The following AUTS2 variants were observed in gnomAD, a reference collection of about 807,000 sequenced individuals.
AUTS2 encodes the protein activator of transcription and developmental regulator AUTS2.
A neutral mutation model predicts 112.4 loss-of-function variants in AUTS2; 17 were observed. The ratio of observed to expected loss-of-function variants is 0.15; its 90% CI spans 0.10 to 0.23. The LOEUF (loss-of-function observed/expected upper bound fraction) is 0.23. Among genes scored for constraint, AUTS2 ranks in the 10% least tolerant of loss-of-function variants. The pLI is 1.00. For synonymous variants in AUTS2, 751 were observed against 702.7 expected (o/e 1.07, Z -1.09); for missense variants, 1,510 against 1,701.6 (o/e 0.89, Z 1.98).
In AUTS2 at chr7:70,698,381, A is replaced by G. The variant is rs368253890; in HGVS notation, c.691-188A>G. ...AATCAGATTTTTTTCCCCCCAGCAA[A>G]TAGCTGCACTGCAGGTCTCTCTCAA... On this transcript the variant is annotated intron_variant, in intron 5 of 18. Transcript: ENST00000342771. Among the ~76,000 whole-genome samples the G allele has an allele frequency of 2.1e-4, 32 of 152,258 alleles. No individual in the cohort carries two copies. The South Asian group carries it at 4.8e-3, about 23-fold the overall frequency.
chr7:70,176,818 G>A (rs1220027873), intron 4 of AUTS2, among the ~76,000 whole-genome samples: 1 of 152,102 alleles, frequency 6.6e-6, no homozygotes, highest in African/African-American at 2.4e-5. Context: ...CCATCATACT[G>A]GAGTGCTTTT....
At chr7:69,617,737 T>G (rs1425829721) in intron 1 of AUTS2, among the ~76,000 whole-genome samples, 5 of 152,222 alleles carry the variant, frequency 3.3e-5, no homozygotes, top group Non-Finnish European at 7.3e-5. Flanking sequence ...TCATTGTACC[T>G]TGTGCCACCA....
intron 1 of AUTS2, among the ~76,000 whole-genome samples, chr7:69,862,871 T>C (rs1323084383): frequency 6.6e-6 from 1 of 152,164 alleles, no homozygotes; most frequent in Admixed American, 6.5e-5. Flanking sequence ...AGCTGGAGGC[T>C]GATATTAAAT....
intron 2 of AUTS2, among the ~76,000 whole-genome samples, chr7:69,949,460 C>T (rs1200966411): frequency 6.6e-6 from 1 of 152,180 alleles, no homozygotes; most frequent in Non-Finnish European, 1.5e-5. Flanking sequence ...AAAGCTAACA[C>T]CACTTGCCTG....
chr7:70,702,454 T>C (rs190751618), intron 6 of AUTS2, among the ~76,000 whole-genome samples: 7 of 152,316 alleles, frequency 4.6e-5, no homozygotes, highest in South Asian at 4.1e-4. Context: ...CACAGTGGTG[T>C]ATTTTACCCC....
At chr7:70,273,200 C>T (rs1451392803) in intron 4 of AUTS2, among the ~76,000 whole-genome samples, 2 of 152,102 alleles carry the variant, frequency 1.3e-5, no homozygotes, top group East Asian at 3.9e-4. Context: ...CCTGCCACAA[C>T]ACCTGGCTAA....
chr7:70,013,780 C>T (rs751223858), intron 2 of AUTS2, among the ~76,000 whole-genome samples: 4 of 152,094 alleles, frequency 2.6e-5, no homozygotes, highest in Admixed American at 2.6e-4. Flanking sequence ...TGCAGTGGCG[C>T]GAACTCGGCT....
chr7:69,712,787 G>A (rs1798389138), intron 1 of AUTS2, among the ~76,000 whole-genome samples: 1 of 152,120 alleles, frequency 6.6e-6, no homozygotes, highest in Non-Finnish European at 1.5e-5. Context: ...AACTTTACAT[G>A]AAACTGCCAC....
At chr7:70,544,169 T>G (rs1008313291) in intron 5 of AUTS2, among the ~76,000 whole-genome samples, 2 of 152,218 alleles carry the variant, frequency 1.3e-5, no homozygotes, top group Admixed American at 1.3e-4. Context: ...ATTACCTGAT[T>G]AACACAGGAA....
At chr7:70,512,988 T>A (rs553417809) in intron 5 of AUTS2, among the ~76,000 whole-genome samples, 2 of 152,202 alleles carry the variant, frequency 1.3e-5, no homozygotes, top group Non-Finnish European at 2.9e-5. Flanking sequence ...ATTTAGCTTT[T>A]GCTGGTGCCA....
At chr7:69,782,874 T>C (rs957879149) in intron 1 of AUTS2, among the ~76,000 whole-genome samples, 4 of 152,182 alleles carry the variant, frequency 2.6e-5, no homozygotes, top group Non-Finnish European at 5.9e-5. Flanking sequence ...ATTATTTTAA[T>C]GGTCTCTAAG....
At chr7:69,816,719 C>G (rs1175661108) in intron 1 of AUTS2, among the ~76,000 whole-genome samples, 1 of 152,188 alleles carries the variant, frequency 6.6e-6, no homozygotes, top group African/African-American at 2.4e-5. Flanking sequence ...TATCCACATT[C>G]TTTTTGTAGA....
intron 2 of AUTS2, among the ~76,000 whole-genome samples, chr7:69,914,556 A>C (rs1469511441): frequency 1.3e-5 from 2 of 151,912 alleles, no homozygotes; most frequent in African/African-American, 4.8e-5. Context: ...CTCCCATGGA[A>C]TCTATCAGCA....
rs140021587 is a variant in AUTS2 at position 70,252,173 on chromosome 7, T to C, written c.660+117602T>C. 1.5e-3 allele frequency among the ~76,000 whole-genome samples: 231 copies of C among 152,328 alleles called. 1 individual carries two copies. Among genetic ancestry groups the C allele is most frequent in the African/African-American group, 4.7e-3 (194 of 41,586 alleles). On this transcript the variant is annotated intron_variant, in intron 4 of 18. Transcript: ENST00000342771. ...GAAGTAAGACTACTGGATGATAATGTAATTCTATTTTTAATTTTCTGAGGA... is the reference window on the plus strand; with the variant it reads ...GAAGTAAGACTACTGGATGATAATGCAATTCTATTTTTAATTTTCTGAGGA...
intron 1 of AUTS2, among the ~76,000 whole-genome samples, chr7:69,779,433 C>G (rs1789047040): frequency 6.6e-6 from 1 of 152,010 alleles, no homozygotes; most frequent in African/African-American, 2.4e-5. Flanking sequence ...GGCAAGAAAT[C>G]TGTTATGTTC....
intron 5 of AUTS2, among the ~76,000 whole-genome samples, chr7:70,509,297 A>G (rs907058245): frequency 1.3e-5 from 2 of 152,234 alleles, no homozygotes; most frequent in African/African-American, 2.4e-5. Flanking sequence ...TGGGAATCCC[A>G]TAAGTCCATT....
In AUTS2 at chr7:70,540,674, T is replaced by A. The variant is rs143649655; in HGVS notation, c.690+104893T>A. Among the ~76,000 whole-genome samples the A allele has an allele frequency of 1.8e-3, 279 of 152,274 alleles. 2 individuals carry two copies. Among genetic ancestry groups the A allele is most frequent in the African/African-American group, 6.4e-3 (268 of 41,558 alleles). On this transcript the variant is annotated intron_variant, in intron 5 of 18. Coordinates refer to ENST00000342771, the MANE Select transcript of AUTS2 (RefSeq NM_015570.4). ...CTCACATCCTCCTGCAAGTACCCTG[T>A]AGTGAGGCTTACTCTGAGGATGCAG...
At chr7:70,623,704 T>G (rs1804792063) in intron 5 of AUTS2, among the ~76,000 whole-genome samples, 1 of 152,168 alleles carries the variant, frequency 6.6e-6, no homozygotes, top group African/African-American at 2.4e-5. Context: ...TTCTTGAAAA[T>G]ACACCAGAGA....
In AUTS2 at chr7:70,435,788, C is replaced by T. The variant is rs754716864; in HGVS notation, c.690+7C>T. The T allele has an allele frequency of 1.2e-6, 2 of 1,611,854 alleles. No homozygotes were observed. Among genetic ancestry groups the T allele is most frequent in the East Asian group, 2.2e-5 (1 of 44,854 alleles). ...CAGTGACCAGGAAGAGAAGGTAAGA[C>T]CCCCCCTCCCCCATTGTGGGCACAG... On this transcript the variant is annotated splice_region_variant and intron_variant, in intron 5 of 18. Coordinates refer to ENST00000342771, the MANE Select transcript of AUTS2 (RefSeq NM_015570.4).
Sources: gnomAD v4.1 joint callset for allele counts (sites outside exome capture counted in the v4.1 genomes callset) on GRCh38, gnomAD v4.1.1 for gene constraint, MANE v1.5 for transcripts, NCBI Gene and HGNC (gene_info 2026-07-23, HGNC 2026-07-21) for gene names.